S100Z: variants seen among roughly 807,000 people sequenced by gnomAD.
S100Z encodes the protein S100 calcium binding protein Z, also known as protein S100-Z.
S100Z carries 11 observed loss-of-function variants against 8.5 expected under a neutral mutation model. The observed-to-expected ratio is 1.30, with a 90% CI of 0.82 to 2.15. S100Z has a LOEUF of 2.15. S100Z is among the 30% of genes most tolerant of loss of function. S100Z has a pLI of 0.00. For missense variants in S100Z, 126 were observed against 117.9 expected, an observed-to-expected ratio of 1.07 and a Z score of -0.32; for synonymous variants, 34 against 43.8, an observed-to-expected ratio of 0.78 and a Z score of 0.89.
chr5:76,915,166 C>T (rs1380214379), intron 4 of S100Z, among the ~76,000 whole-genome samples: 6 of 151,788 alleles, frequency 4.0e-5, no homozygotes, highest in Non-Finnish European at 8.8e-5. Context: ...ATTAGCCGAG[C>T]ATGGTGGCAG....
At chr5:76,861,192 C>T (rs746018943) in intron 1 of S100Z, among the ~76,000 whole-genome samples, 23 of 152,140 alleles carry the variant, frequency 1.5e-4, no homozygotes, top group Admixed American at 4.6e-4. Flanking sequence ...TGGTTCATTG[C>T]GTGCCTGGTC....
intron 4 of S100Z, among the ~76,000 whole-genome samples, chr5:76,902,682 A>G (rs4703725): frequency 0.015 from 2,164 of 142,484 alleles, 64 homozygotes; most frequent in East Asian, 0.12. Context: ...GTAGATAGTT[A>G]TTAACTTGCT....
intron 2 of S100Z, among the ~76,000 whole-genome samples, chr5:76,870,554 A>G (rs1228397728): frequency 1.3e-5 from 2 of 152,212 alleles, no homozygotes; most frequent in Non-Finnish European, 1.5e-5. Context: ...CTTGGTCTAT[A>G]GTCCTCAGTA....
intron 4 of S100Z, among the ~76,000 whole-genome samples, chr5:76,901,106 C>G (rs567398452): frequency 6.6e-6 from 1 of 152,242 alleles, no homozygotes; most frequent in Non-Finnish European, 1.5e-5. Flanking sequence ...TCTGAGCCAC[C>G]TACAGCTAGA....
intron 4 of S100Z, among the ~76,000 whole-genome samples, chr5:76,884,688 G>A (rs761850314): frequency 1.3e-5 from 2 of 152,144 alleles, no homozygotes; most frequent in Non-Finnish European, 1.5e-5. Flanking sequence ...AAGTGGGGGA[G>A]GACTAGTCAC....
intron 4 of S100Z, among the ~76,000 whole-genome samples, chr5:76,909,256 C>G (rs1382657971): frequency 6.6e-6 from 1 of 152,082 alleles, no homozygotes; most frequent in East Asian, 1.9e-4. Flanking sequence ...TCAACAGGCT[C>G]ACTTTTGAAA....
In S100Z at chr5:76,875,412, G is replaced by C; in HGVS notation, c.53G>C (p.Arg18Pro). 1 of 1,613,024 alleles carries C rather than the reference G, an allele frequency of 6.2e-7. No homozygotes were observed. The highest frequency in any genetic ancestry group is 8.5e-7 in the Non-Finnish European group (1 of 1,179,508). The change falls in exon 3 of 5, where the codon CGC becomes CCC. Residue 18 changes from arginine to proline, a missense_variant. Coordinates refer to ENST00000317593, the MANE Select transcript of S100Z (RefSeq NM_130772.4). ...GACACCATGATTAGAATCTTCCACC[G>C]CTATTCTGGCAAGGAAAGGAAGAGA... ...AMDTMIRIFH[R>P]YSGKERKRFK...
At chr5:76,908,991 T>G (rs975289240) in intron 4 of S100Z, among the ~76,000 whole-genome samples, 1 of 152,134 alleles carries the variant, frequency 6.6e-6, no homozygotes, top group South Asian at 2.1e-4. Flanking sequence ...TCCAACCTTC[T>G]TTGGTCCTCC....
intron 4 of S100Z, among the ~76,000 whole-genome samples, chr5:76,896,452 G>C (rs545634248): frequency 6.6e-6 from 1 of 152,246 alleles, no homozygotes; most frequent in South Asian, 2.1e-4. Context: ...TGGACATTTA[G>C]ATTGCTTCCA....
downstream of S100Z, among the ~76,000 whole-genome samples, chr5:76,924,837 CG>C: frequency 6.6e-6 from 1 of 151,760 alleles, no homozygotes; most frequent in Non-Finnish European, 1.5e-5. Flanking sequence ...CGCTTGAACG[CG>C]GGAGGTGGAG....
In S100Z at chr5:76,875,442, AG is replaced by A. The variant is rs1310889433; in HGVS notation, c.84del (p.Lys28AsnfsTer7). ...TCTGGCAAGGAAAGGAAGAGATTCA[AG>A]CTCAGCAAGGGGGAACTGAAACTGC... is the stretch of plus-strand genomic sequence containing the variant. ...RYSGKERKRF[K>X]LSKGELKLLL... On this transcript the variant is annotated frameshift_variant, in exon 3 of 5. Coordinates refer to ENST00000317593, the MANE Select transcript of S100Z (RefSeq NM_130772.4). LOFTEE classifies it high-confidence loss of function. 6.2e-7 allele frequency: 1 copy of A among 1,613,276 alleles called. No homozygotes were observed. Among genetic ancestry groups the A allele is most frequent in the East Asian group, 2.2e-5 (1 of 44,824 alleles).
chr5:76,877,599 TAAAAG>T (rs1743242498), intron 3 of S100Z, 70 bp from the exon 4 acceptor site: 1 of 887,858 alleles, frequency 1.1e-6, no homozygotes, highest in Non-Finnish European at 1.8e-6. Context: ...TTAATGTAAA[TAAAAG>T]GAAGATGAAT....
At chr5:76,941,320 G>A in the S100Z span, among the ~76,000 whole-genome samples, 5 of 152,118 alleles carry the variant, frequency 3.3e-5, no homozygotes, top group African/African-American at 1.2e-4. Context: ...CCCTGGGAGG[G>A]ACCCGGCAGG....
At chr5:76,925,616 C>T (rs1385312142), downstream of S100Z, among the ~76,000 whole-genome samples, 2 of 151,844 alleles carry the variant, frequency 1.3e-5, no homozygotes, top group Non-Finnish European at 2.9e-5. Context: ...TTTAGATAAT[C>T]TATGCTGCTT....
the S100Z span, among the ~76,000 whole-genome samples, chr5:76,948,155 G>A: frequency 2.2e-5 from 3 of 139,478 alleles, no homozygotes; most frequent in Non-Finnish European, 3.1e-5. Context: ...GTGACACCCC[G>A]TCTCTACTAA....
intron 4 of S100Z, among the ~76,000 whole-genome samples, chr5:76,895,986 C>T (rs992426024): frequency 2.4e-4 from 36 of 151,994 alleles, no homozygotes; most frequent in African/African-American, 8.2e-4. Context: ...TGCTCTTGAA[C>T]TCCTGACCTC....
intron 4 of S100Z, among the ~76,000 whole-genome samples, chr5:76,893,777 T>A (rs1211578190): frequency 1.3e-5 from 2 of 152,158 alleles, no homozygotes; most frequent in Admixed American, 1.3e-4. Flanking sequence ...ATATGACCTT[T>A]CTGGAGAATC....
At chr5:76,915,822 G>A (rs916337408) in intron 4 of S100Z, among the ~76,000 whole-genome samples, 2 of 152,024 alleles carry the variant, frequency 1.3e-5, no homozygotes, top group Non-Finnish European at 2.9e-5. Context: ...TATGTTGAAA[G>A]TAAAAGGACA....
chr5:76,886,219 C>A (rs1743624396), intron 4 of S100Z, among the ~76,000 whole-genome samples: 1 of 152,162 alleles, frequency 6.6e-6, no homozygotes, highest in South Asian at 2.1e-4. Context: ...AGGCAGGCGA[C>A]CTGCAATGAT....
Sources: gnomAD v4.1 joint callset for allele counts (sites outside exome capture counted in the v4.1 genomes callset) on GRCh38, gnomAD v4.1.1 for gene constraint, MANE v1.5 for transcripts, NCBI Gene and HGNC (gene_info 2026-07-23, HGNC 2026-07-21) for gene names.